The following RBFOX1 variants were observed in gnomAD, a reference collection of about 807,000 sequenced individuals.
The protein encoded by RBFOX1 is RNA binding fox-1 homolog 1, also known as RNA binding protein fox-1 homolog 1.
In RBFOX1, 8 loss-of-function variants were observed where a neutral mutation model predicts 57.7. The observed-to-expected ratio is 0.14, with a 90% confidence interval of 0.08 to 0.25. RBFOX1 has a LOEUF of 0.25. Among genes scored for constraint, RBFOX1 ranks in the 10% least tolerant of loss-of-function variants. The probability of loss-of-function intolerance (pLI) is 1.00; values close to 1 mark genes in which losing one functional copy is unlikely to be tolerated. For missense variants in RBFOX1, 611 were observed against 548.5 expected, an observed-to-expected ratio of 1.11 and a Z score of -1.14; for synonymous variants, 326 against 222.4, an observed-to-expected ratio of 1.47 and a Z score of -4.15.
intron 1 of RBFOX1, among the ~76,000 whole-genome samples, chr16:6,169,925 T>C (rs1381794725): frequency 1.3e-5 from 2 of 152,120 alleles, no homozygotes; most frequent in African/African-American, 4.8e-5. Context: ...CCACCACACC[T>C]GACTAGTTTT....
At chr16:7,265,386 C>G (rs1174798336) in intron 4 of RBFOX1, among the ~76,000 whole-genome samples, 3 of 151,528 alleles carry the variant, frequency 2.0e-5, no homozygotes, top group East Asian at 3.9e-4. Flanking sequence ...GGGAAGATGT[C>G]TTTTCTTTCT....
At chr16:6,275,878 A>G (rs12599972) in intron 1 of RBFOX1, among the ~76,000 whole-genome samples, 24,179 of 152,174 alleles carry the variant, frequency 0.16, 2,033 homozygotes, top group South Asian at 0.19. Context: ...CAATTTTGTC[A>G]TCACCATTTA....
Position 5,987,650 on chromosome 16 carries a change from C to T in RBFOX1, c.351+120315C>T, listed in dbSNP as rs1016376875. On this transcript the variant is annotated intron_variant, in intron 4 of 19. Transcript: ENST00000641259. ...GCCAGGAGTTCGAGGCTGTAGGGCA[C>T]TATCATCATTCCTATGAGTAGCCAC... 7.9e-4 allele frequency among the ~76,000 whole-genome samples: 120 copies of T among 152,228 alleles called. 1 individual carries two copies. The Middle Eastern group carries it at 0.017, about 22-fold the overall frequency.
intron 3 of RBFOX1, among the ~76,000 whole-genome samples, chr16:7,051,268 CTTTT>C (rs1186855282): frequency 1.3e-5 from 2 of 152,104 alleles, no homozygotes; most frequent in East Asian, 3.9e-4. Flanking sequence ...CTATGTGTTC[CTTTT>C]TATTTGTGTC....
Position 7,194,561 on chromosome 16 carries a change from C to G in RBFOX1, c.27+142463C>G, listed in dbSNP as rs963951975. Among the ~76,000 whole-genome samples, 4 of 152,146 alleles carry G rather than the reference C, an allele frequency of 2.6e-5. No homozygotes were observed. The South Asian group carries it at 6.2e-4, about 24-fold the overall frequency. Reference sequence around the variant, plus strand: ...GATACTCATTACTAAAACTCAATGCCTGAAACCATCTTTGAATCCATTCTG... The same window carrying G: ...GATACTCATTACTAAAACTCAATGCGTGAAACCATCTTTGAATCCATTCTG... On this transcript the variant is annotated intron_variant, in intron 4 of 15. Coordinates refer to ENST00000550418, the MANE Select transcript of RBFOX1 (RefSeq NM_018723.4).
chr16:7,131,161 A>C (rs142878975), intron 4 of RBFOX1, among the ~76,000 whole-genome samples: 69 of 152,136 alleles, frequency 4.5e-4, no homozygotes, highest in African/African-American at 1.6e-3. Context: ...CCTGGTCAAC[A>C]TGGTGAAACC....
intron 1 of RBFOX1, among the ~76,000 whole-genome samples, chr16:5,308,542 C>G (rs553422997): frequency 1.3e-5 from 2 of 152,162 alleles, no homozygotes; most frequent in South Asian, 4.1e-4. Flanking sequence ...GATTTAGCCT[C>G]ATCTCAAACC....
At chr16:5,717,173 A>T (rs1375601046) in intron 3 of RBFOX1, among the ~76,000 whole-genome samples, 2 of 152,154 alleles carry the variant, frequency 1.3e-5, no homozygotes, top group Non-Finnish European at 2.9e-5. Context: ...GAAAAGTCAA[A>T]GTTCAGTGTT....
At chr16:7,041,082 A>ATTTT (rs61569211) in intron 3 of RBFOX1, among the ~76,000 whole-genome samples, 245 of 109,278 alleles carry the variant, frequency 2.2e-3, no homozygotes, top group Non-Finnish European at 3.3e-3. Flanking sequence ...CGCCCAGCTA[A>ATTTT]TTTTTTTTTT....
intron 2 of RBFOX1, among the ~76,000 whole-genome samples, chr16:6,332,589 G>A (rs941064341): frequency 6.6e-6 from 1 of 152,128 alleles, no homozygotes; most frequent in African/African-American, 2.4e-5. Context: ...TCACAGCATA[G>A]CGTGCTGTTA....
intron 1 of RBFOX1, among the ~76,000 whole-genome samples, chr16:6,070,482 C>A (rs1482500106): frequency 6.6e-6 from 1 of 152,118 alleles, no homozygotes; most frequent in East Asian, 1.9e-4. Flanking sequence ...TGCTAGGGCA[C>A]ACTCAAATAT....
rs1462610809 is a variant in RBFOX1 at position 5,740,322 on chromosome 16, G to A, written c.319-126981G>A. ...GTGTGATTGCCTGAGACTCCAAGGG[G>A]GCTCCACCAAACAGGGTGCAGCACA... On this transcript the variant is annotated intron_variant, in intron 3 of 19. Transcript: ENST00000641259. Among the ~76,000 whole-genome samples the A allele has an allele frequency of 5.9e-5, 9 of 152,246 alleles. No homozygotes were observed. The East Asian group carries it at 1.7e-3, about 29-fold the overall frequency.
At chr16:5,527,285 A>G (rs2044284708) in intron 2 of RBFOX1, among the ~76,000 whole-genome samples, 1 of 152,192 alleles carries the variant, frequency 6.6e-6, no homozygotes, top group Admixed American at 6.5e-5. Context: ...CTTGCCCACA[A>G]GGAAGCTGCT....
At chr16:6,575,745 T>A (rs1339759602) in intron 2 of RBFOX1, among the ~76,000 whole-genome samples, 1 of 151,640 alleles carries the variant, frequency 6.6e-6, no homozygotes, top group Admixed American at 6.6e-5. Flanking sequence ...TAATCCCAGG[T>A]ACTCGGGAGG....
At chr16:6,952,309 A>G (rs527430309) in intron 3 of RBFOX1, among the ~76,000 whole-genome samples, 14 of 152,200 alleles carry the variant, frequency 9.2e-5, no homozygotes, top group Non-Finnish European at 2.1e-4. Flanking sequence ...GTGTGCAAAA[A>G]AGTAGAACTC....
chr16:7,535,128 T>G (rs2081173619), intron 5 of RBFOX1, among the ~76,000 whole-genome samples: 1 of 152,222 alleles, frequency 6.6e-6, no homozygotes, highest in Middle Eastern at 3.2e-3. Context: ...TGCATGGCTA[T>G]GATGCTATGA....
chr16:6,232,814 G>T (rs72776427), intron 1 of RBFOX1, among the ~76,000 whole-genome samples: 2,683 of 152,218 alleles, frequency 0.018, 44 homozygotes, highest in Non-Finnish European at 0.028. Flanking sequence ...GATGAGAATT[G>T]CTGGTGAAGC....
At chr16:5,419,861 C>T (rs116567846) in intron 1 of RBFOX1, among the ~76,000 whole-genome samples, 2,132 of 152,148 alleles carry the variant, frequency 0.014, 50 homozygotes, top group African/African-American at 0.048. Flanking sequence ...CCCGTAGGAG[C>T]AGAGAGGGAC....
intron 4 of RBFOX1, among the ~76,000 whole-genome samples, chr16:7,361,618 C>A (rs1477679600): frequency 6.6e-6 from 1 of 152,098 alleles, no homozygotes; most frequent in Non-Finnish European, 1.5e-5. Flanking sequence ...ACTAAAGCAA[C>A]CAAACACACA....
Sources: gnomAD v4.1 joint callset for allele counts (sites outside exome capture counted in the v4.1 genomes callset) on GRCh38, gnomAD v4.1.1 for gene constraint, MANE v1.5 for transcripts, NCBI Gene and HGNC (gene_info 2026-07-23, HGNC 2026-07-21) for gene names.